Variants in GRID2 observed in about 807,000 individuals in gnomAD.
The protein encoded by GRID2 is glutamate ionotropic receptor delta type subunit 2.
GRID2 carries 33 observed loss-of-function variants against 114.8 expected under a neutral mutation model. The ratio of observed to expected loss-of-function variants is 0.29; its 90% CI spans 0.22 to 0.38. The LOEUF is 0.38. Among genes scored for constraint, GRID2 ranks in the 10% least tolerant of loss-of-function variants. GRID2 has a pLI of 1.00. For synonymous variants in GRID2, 505 were observed against 449.9 expected (o/e 1.12, Z -1.55); for missense variants, 1,184 against 1,257.7 (o/e 0.94, Z 0.89).
chr4:93,141,279 C>T (rs1735745644), intron 4 of GRID2, among the ~76,000 whole-genome samples: 1 of 152,034 alleles, frequency 6.6e-6, no homozygotes, highest in Admixed American at 6.6e-5. Flanking sequence ...TAGTCTTTCT[C>T]CCTTGTTTAA....
At chr4:93,367,554 A>G (rs2149285404) in intron 8 of GRID2, among the ~76,000 whole-genome samples, 1 of 152,338 alleles carries the variant, frequency 6.6e-6, no homozygotes, top group Non-Finnish European at 1.5e-5. Context: ...TAAGAAATAA[A>G]TATACGAATA....
intron 8 of GRID2, among the ~76,000 whole-genome samples, chr4:93,368,025 CA>C (rs766728558): frequency 1.3e-5 from 2 of 152,020 alleles, no homozygotes; most frequent in African/African-American, 4.8e-5. Context: ...TTAAAGAGTC[CA>C]TTTTTTTAAT....
intron 2 of GRID2, among the ~76,000 whole-genome samples, chr4:92,754,948 A>G (rs1489127087): frequency 6.6e-6 from 1 of 152,058 alleles, no homozygotes; most frequent in African/African-American, 2.4e-5. Context: ...CACTTCTACT[A>G]TTTCCTTTTC....
intron 2 of GRID2, among the ~76,000 whole-genome samples, chr4:92,854,077 CT>C (rs532725339): frequency 1.2e-4 from 18 of 151,404 alleles, no homozygotes; most frequent in Admixed American, 9.2e-4. Flanking sequence ...GACCAAAATT[CT>C]TTTTTTCTTT....
rs1166950563 is a variant in GRID2, at chr4:93,216,630, A to G, written c.790-108A>G. ...ATATGCACTAAGCATTAAAACCAAT[A>G]TATTACAGTAACAGAATCCCTAACA... On this transcript the variant is annotated intron_variant, in intron 5 of 15. Transcript: ENST00000282020. The G allele has an allele frequency of 1.4e-5, 10 of 739,068 alleles. No homozygotes were observed. In the East Asian group the frequency reaches 2.3e-4, roughly 17 times the overall value. 45.8% of individuals were successfully genotyped at this position (739,068 alleles called of 1,614,324 possible). A position where few individuals can be genotyped will look rare whatever the true frequency, so the allele number is the denominator to read the frequency against.
At position 93,373,342 on chromosome 4, in the gene GRID2, A is replaced by C. The variant is rs1029577289; in HGVS notation, c.1246-22265A>C. ...TTTCCAGGACAACCTAGAAAAAAAT[A>C]TCTCTTTAGTTTCTACAGTGGCAGA... is the stretch of plus-strand genomic sequence containing the variant. On this transcript the variant is annotated intron_variant, in intron 8 of 15. Transcript: ENST00000282020. 5.3e-5 allele frequency among the ~76,000 whole-genome samples: 8 copies of C among 152,160 alleles called. 1 individual carries two copies. The Middle Eastern group carries it at 0.017, about 323-fold the overall frequency.
At chr4:93,260,822 A>G (rs1750170343) in intron 8 of GRID2, among the ~76,000 whole-genome samples, 1 of 151,850 alleles carries the variant, frequency 6.6e-6, no homozygotes, top group Non-Finnish European at 1.5e-5. Flanking sequence ...CTAACTATAA[A>G]GTTGTGATAA....
At chr4:92,927,106 A>T (rs1490929037) in intron 2 of GRID2, among the ~76,000 whole-genome samples, 5 of 151,956 alleles carry the variant, frequency 3.3e-5, no homozygotes, top group Non-Finnish European at 5.9e-5. Context: ...TCTTTCTAGT[A>T]TTATGAACTT....
chr4:92,314,291 G>A (rs1259713279), intron 1 of GRID2, among the ~76,000 whole-genome samples: 5 of 151,998 alleles, frequency 3.3e-5, no homozygotes, highest in African/African-American at 7.3e-5. Flanking sequence ...CATTACAAAT[G>A]TCATAAATAT....
chr4:92,819,155 T>C (rs1741104907), intron 2 of GRID2, among the ~76,000 whole-genome samples: 1 of 152,130 alleles, frequency 6.6e-6, no homozygotes, highest in South Asian at 2.1e-4. Flanking sequence ...GAAAGCATAG[T>C]ATCATTCAAA....
Position 93,749,823 on chromosome 4 carries a change from G to A in GRID2, c.2361-19387G>A, listed in dbSNP as rs563822411. Among the ~76,000 whole-genome samples, 161 of 152,168 alleles carry A rather than the reference G, an allele frequency of 1.1e-3. 2 individuals are homozygous for A. The highest frequency in any genetic ancestry group is 1.6e-3 in the Non-Finnish European group (111 of 68,000). On this transcript the variant is annotated intron_variant, in intron 14 of 15. Coordinates refer to ENST00000282020, the MANE Select transcript of GRID2 (RefSeq NM_001510.4). ...AACAAAACAAAACAAAAAAGTCTTT[G>A]GTTGTTTAAGCTAACACAAATTACT...
At chr4:93,338,961 G>A (rs6827992) in intron 8 of GRID2, among the ~76,000 whole-genome samples, 38,328 of 151,862 alleles carry the variant, frequency 0.25, 8,121 homozygotes, top group African/African-American at 0.58. Flanking sequence ...TTGTGATTTC[G>A]GCCTGACTTT....
chr4:93,386,478 G>A (rs951913160), intron 8 of GRID2, among the ~76,000 whole-genome samples: 1 of 152,048 alleles, frequency 6.6e-6, no homozygotes, highest in African/African-American at 2.4e-5. Context: ...AGCTGGGGAG[G>A]GCTGAGCTGC....
At position 92,945,692 on chromosome 4, in the gene GRID2, A is replaced by G. The variant is rs570476317; in HGVS notation, c.245-139303A>G. On this transcript the variant is annotated intron_variant, in intron 2 of 15. Coordinates refer to ENST00000282020, the MANE Select transcript of GRID2 (RefSeq NM_001510.4). ...TTCCCAAATGATTACTTGAAAAATA[A>G]CTTTTGTTTTGTTTTGAAAGTGGGA... 2.0e-5 allele frequency among the ~76,000 whole-genome samples: 3 copies of G among 152,284 alleles called. No homozygotes were observed. The South Asian group carries it at 6.2e-4, about 32-fold the overall frequency.
chr4:93,098,989 C>CTCTGTG (rs1553986877), intron 3 of GRID2, among the ~76,000 whole-genome samples: 9 of 138,908 alleles, frequency 6.5e-5, no homozygotes, highest in South Asian at 2.4e-4. Context: ...AGATCATTTC[C>CTCTGTG]TGTGTGTGTG....
chr4:93,744,252 GT>G (rs1324456533), intron 14 of GRID2, among the ~76,000 whole-genome samples: 1 of 152,202 alleles, frequency 6.6e-6, no homozygotes, highest in African/African-American at 2.4e-5. Context: ...TCAAGGAGTA[GT>G]TTTGACTTCC....
intron 14 of GRID2, among the ~76,000 whole-genome samples, chr4:93,689,439 T>C (rs985646477): frequency 2.0e-5 from 3 of 152,038 alleles, no homozygotes; most frequent in Non-Finnish European, 4.4e-5. Context: ...TAATAAATAG[T>C]TTTGGATAAA....
intron 2 of GRID2, among the ~76,000 whole-genome samples, chr4:93,042,623 C>CTA (rs199506174): frequency 0.016 from 2,058 of 132,462 alleles, 28 homozygotes; most frequent in South Asian, 0.054. Flanking sequence ...CTCTCTCTCT[C>CTA]TCTATATATA....
intron 2 of GRID2, among the ~76,000 whole-genome samples, chr4:93,070,535 T>C (rs768922736): frequency 7.9e-5 from 12 of 152,096 alleles, no homozygotes; most frequent in Non-Finnish European, 1.8e-4. Context: ...ATAACTGTGA[T>C]CCAGCTCCTG....
Sources: allele counts gnomAD v4.1 joint callset (sites outside exome capture counted in the v4.1 genomes callset), GRCh38; gene constraint gnomAD v4.1.1; transcripts MANE v1.5; gene names NCBI Gene and HGNC (gene_info 2026-07-23, HGNC 2026-07-21).